LYST: variants seen among roughly 807,000 people sequenced by gnomAD.
The protein encoded by LYST is lysosomal-trafficking regulator.
A neutral mutation model predicts 413.6 loss-of-function variants in LYST; 192 were observed. The observed-to-expected ratio is 0.46, with a 90% CI of 0.41 to 0.52. The LOEUF is 0.52. Ranked by LOEUF, LYST falls within the 20% of genes least tolerant of loss-of-function variation. LYST has a pLI of 0.00. For missense variants in LYST, 3,815 were observed against 4,499.9 expected, an observed-to-expected ratio of 0.85 and a Z score of 4.35; for synonymous variants, 1,525 against 1,567.3, an observed-to-expected ratio of 0.97 and a Z score of 0.64.
intron 2 of LYST, among the ~76,000 whole-genome samples, chr1:235,830,709 AG>A (rs1675883408): frequency 6.6e-6 from 1 of 152,192 alleles, no homozygotes; most frequent in Non-Finnish European, 1.5e-5. Context: ...TTTTTAAGAG[AG>A]AAGACTTTCT....
At chr1:235,741,237 AAC>A (rs1330440540) in intron 31 of LYST, among the ~76,000 whole-genome samples, 183 bp downstream of exon 31, 2 of 152,200 alleles carry the variant, frequency 1.3e-5, no homozygotes, top group Non-Finnish European at 2.9e-5. Flanking sequence ...TTGGGAAATA[AAC>A]ACAGAGGTTA....
chr1:235,841,461 G>A (rs1677193763), intron 1 of LYST, among the ~76,000 whole-genome samples: 1 of 152,182 alleles, frequency 6.6e-6, no homozygotes, highest in South Asian at 2.1e-4. Flanking sequence ...CTGGCACCAT[G>A]TTGGTAGCTT....
Position 235,715,376 on chromosome 1 carries a change from C to A in LYST, c.9628-19G>T. On this transcript the variant is annotated intron_variant, in intron 41 of 52. Coordinates refer to ENST00000389793, the MANE Select transcript of LYST (RefSeq NM_000081.4). The stretch of plus-strand genomic sequence containing the variant: ...CCAAGTACTGAAAGAAACGGTGAAT[C>A]CAGAGAATTCATGATTGTGGGCTCC... 2 of 1,612,752 alleles carry A rather than the reference C, an allele frequency of 1.2e-6. No homozygotes were observed. The highest frequency in any genetic ancestry group is 1.7e-5 in the Admixed American group (1 of 59,978).
chr1:235,758,894 G>A (rs2103350254), intron 23 of LYST, 78 bp downstream of exon 23: 1 of 1,306,632 alleles, frequency 7.7e-7, no homozygotes, highest in East Asian at 2.4e-5. Context: ...GCATAATGAA[G>A]ACGTTTCCAG....
Position 235,728,072 on chromosome 1 carries a change from T to C in LYST, c.9162+4A>G. The C allele has an allele frequency of 6.2e-7, 1 of 1,607,118 alleles. No homozygotes were observed. Among genetic ancestry groups the C allele is most frequent in the Non-Finnish European group, 8.5e-7 (1 of 1,173,834 alleles). ...TGTAAATACAGACTTAAGCCTCTAC[T>C]CACCGAACTTTCAACTGTATCAGAA... On this transcript the variant is annotated splice_donor_region_variant and intron_variant, in intron 38 of 52. Coordinates refer to ENST00000389793, the MANE Select transcript of LYST (RefSeq NM_000081.4).
intron 10 of LYST, among the ~76,000 whole-genome samples, chr1:235,798,373 T>C (rs1347497999): frequency 3.3e-5 from 5 of 151,544 alleles, no homozygotes; most frequent in African/African-American, 9.7e-5. Context: ...ATGTTAATAA[T>C]AGGGAAAACT....
intron 17 of LYST, among the ~76,000 whole-genome samples, chr1:235,775,695 G>A (rs1480528531): frequency 6.6e-6 from 1 of 152,088 alleles, no homozygotes; most frequent in Non-Finnish European, 1.5e-5. Flanking sequence ...GATGGCCTAG[G>A]AAGAGAGCCA....
At chr1:235,805,592 TA>T (rs1278703713) in intron 6 of LYST, 150 bp downstream of exon 6, 5 of 262,158 alleles carry the variant, frequency 1.9e-5, no homozygotes, top group Admixed American at 5.3e-5. Context: ...TACACATATA[TA>T]AAAGTAATAT....
At chr1:235,762,464 C>G (rs889968071) in intron 22 of LYST, among the ~76,000 whole-genome samples, 4 of 152,088 alleles carry the variant, frequency 2.6e-5, no homozygotes, top group African/African-American at 9.7e-5. Context: ...TAAAAAGCTT[C>G]TGAAGAAAAT....
chr1:235,861,389 T>G (rs879017618), intron 1 of LYST, among the ~76,000 whole-genome samples: 56 of 152,312 alleles, frequency 3.7e-4, no homozygotes, highest in Admixed American at 5.9e-4. Context: ...GTATTGGACC[T>G]CTCTCATTAC....
rs1658295218 is a variant in LYST, at chr1:235,664,774, A to C, written c.11039-153T>G. 6.6e-6 allele frequency among the ~76,000 whole-genome samples: 1 copy of C among 152,222 alleles called. No individual in the cohort carries two copies. Among genetic ancestry groups the C allele is most frequent in the African/African-American group, 2.4e-5 (1 of 41,460 alleles). Reference sequence around the variant, plus strand: ...GACTGAAGACTGTATAAATGAAATTACTACACAAGTTGCACAGATTTTTCT... The same window carrying C: ...GACTGAAGACTGTATAAATGAAATTCCTACACAAGTTGCACAGATTTTTCT... On this transcript the variant is annotated intron_variant, in intron 50 of 52. Transcript: ENST00000389793. This position sits in a 1 kb window ranked among gnomAD's most constrained non-coding sequence, Gnocchi z 4.5.
chr1:235,811,460 T>G (rs923893847), intron 4 of LYST, among the ~76,000 whole-genome samples: 1 of 152,212 alleles, frequency 6.6e-6, no homozygotes, highest in African/African-American at 2.4e-5. Flanking sequence ...TTATTCAAAT[T>G]ATTTCTCAAA....
intron 32 of LYST, 60 bp from the exon 33 acceptor site, chr1:235,733,966 C>A: frequency 1.2e-6 from 1 of 834,818 alleles, no homozygotes; most frequent in South Asian, 1.9e-5. Context: ...CTAACATTGT[C>A]ACAGAGCCCA....
chr1:235,708,872 T>A (rs1662191531), intron 44 of LYST, among the ~76,000 whole-genome samples: 1 of 152,176 alleles, frequency 6.6e-6, no homozygotes, highest in Non-Finnish European at 1.5e-5. Context: ...TAGTGAATCA[T>A]CAAACCTGGG....
chr1:235,810,472 T>G lies in LYST; in HGVS notation c.346A>C (p.Arg116=), dbSNP rs1362758551. ...AAATGTAATTTTTCCTGAGTGGATC[T>G]TTGTGAACTTGAGTTCTTTTCTTTG... ...LTKEKNSSSQ[R]STQEKLHLEG... is the part of the protein sequence containing the mutation. The change falls in exon 5 of 53, where the codon AGA becomes CGA. Residue 116 remains arginine, a synonymous_variant. Transcript: ENST00000389793. The G allele has an allele frequency of 1.9e-6, 3 of 1,611,330 alleles. No homozygotes were observed. The highest frequency in any genetic ancestry group is 2.5e-6 in the Non-Finnish European group (3 of 1,179,374).
chr1:235,741,984 T>C (rs930237733), intron 30 of LYST, among the ~76,000 whole-genome samples: 14 of 152,182 alleles, frequency 9.2e-5, no homozygotes, highest in Admixed American at 7.2e-4. Flanking sequence ...TTGAGGACAT[T>C]ATGCTAAATA....
At position 235,791,828 on chromosome 1, in the gene LYST, C is replaced by T; in HGVS notation, c.4414G>A (p.Gly1472Ser). The change falls in exon 12 of 53, where the codon GGT becomes AGT. Residue 1472 changes from glycine (G) to serine (S), a missense_variant. Gly to Ser is a moderately conservative substitution (Grantham distance 56). Around this residue, in one of 4 missense-constraint regions of LYST, gnomAD observed 1,648 missense variants for 1,810.3 expected, o/e 0.91. Transcript: ENST00000389793. ...GQNCWPHLSE[G>S]FSVSLWFNVE... ...TTAAACCACAGGGAAACACTGAAAC[C>T]TTCTGATAGGTGTGGCCAGCAGTTT... is the stretch of plus-strand genomic sequence containing the variant. 2 of 1,614,156 alleles carry T rather than the reference C, an allele frequency of 1.2e-6. No homozygotes were observed. Among genetic ancestry groups the T allele is most frequent in the South Asian group, 1.1e-5 (1 of 91,084 alleles).
chr1:235,759,240 T>C lies in LYST; in HGVS notation c.6613A>G (p.Lys2205Glu). Residue 2205 changes from lysine to glutamate, a missense_variant, in exon 23 of 53, where the codon AAA becomes GAA. Lys to Glu is a moderately conservative substitution (Grantham distance 56). Transcript: ENST00000389793. The stretch of plus-strand genomic sequence containing the variant: ...GACCTGGGTTCTGCTCCCAACTGTT[T>C]ATGATCTGCTTTGACCACTGGAAAT... ...LGFPVVKADH[K>E]QLGAEPRSED... 6.2e-7 allele frequency: 1 copy of C among 1,614,162 alleles called. No individual in the cohort carries two copies. The highest frequency in any genetic ancestry group is 8.5e-7 in the Non-Finnish European group (1 of 1,180,028).
rs2103118427 is a variant in LYST, at chr1:235,709,219, G to A, written c.10015C>T (p.Leu3339Phe). ...WARNDPRLFI[L>F]IHRQALESDY... ...GACTCTAGAGCCTGCCGATGGATGA[G>A]GATAAAAAGACGAGGATCATTACGC... Residue 3339 changes from leucine to phenylalanine, a missense_variant, in exon 44 of 53, where the codon CTC becomes TTC. By Grantham distance (22) the Leu-to-Phe change is conservative. This residue lies in a region of LYST where 866 missense variants were observed against 1,156.0 expected (regional missense o/e 0.75). Coordinates refer to ENST00000389793, the MANE Select transcript of LYST (RefSeq NM_000081.4). The A allele has an allele frequency of 6.2e-7, 1 of 1,614,092 alleles. No homozygotes were observed. Among genetic ancestry groups the A allele is most frequent in the Non-Finnish European group, 8.5e-7 (1 of 1,179,996 alleles).
Sources: gnomAD v4.1 joint callset for allele counts (sites outside exome capture counted in the v4.1 genomes callset) on GRCh38, gnomAD v4.1.1 for gene constraint, gnomAD v4.1.1 regional missense constraint, Gnocchi (gnomAD v3.1) non-coding constraint, MANE v1.5 for transcripts, NCBI Gene and HGNC (gene_info 2026-07-23, HGNC 2026-07-21) for gene names.